Variants in IL1RAPL1 observed in about 807,000 individuals in gnomAD.
IL1RAPL1 encodes interleukin 1 receptor accessory protein like 1, also known as interleukin-1 receptor accessory protein-like 1.
Under a neutral mutation model 48.4 loss-of-function variants are expected in IL1RAPL1, and 3 were observed. The ratio of observed to expected loss-of-function variants is 0.06; its 90% CI spans 0.03 to 0.16. The LOEUF (loss-of-function observed/expected upper bound fraction) is 0.16, where lower values mean the gene tolerates loss of function less well. Ranked by LOEUF, IL1RAPL1 falls within the 10% of genes least tolerant of loss-of-function variation. IL1RAPL1 has a pLI of 1.00. For synonymous variants in IL1RAPL1, 185 were observed against 187.7 expected (o/e 0.99, Z 0.12); for missense variants, 349 against 530.6 (o/e 0.66, Z 3.36).
chrX:29,778,119 G>T (rs1386715931), intron 6 of IL1RAPL1, among the ~76,000 whole-genome samples: 1 of 110,961 alleles, frequency 9.0e-6, no homozygotes, highest in Admixed American at 9.7e-5. Context: ...TTTTCCAGAG[G>T]TTAACAAGCT....
chrX:29,750,787 G>T (rs907941591), intron 6 of IL1RAPL1, among the ~76,000 whole-genome samples: 1 of 111,598 alleles, frequency 9.0e-6, no homozygotes, highest in African/African-American at 3.3e-5. Context: ...TCATGAGGAA[G>T]AGTGATAGAA....
At position 29,260,039 on chromosome X, in the gene IL1RAPL1, A is replaced by G. The variant is rs143765986; in HGVS notation, c.83-22899A>G. On this transcript the variant is annotated intron_variant, in intron 2 of 10. Coordinates refer to ENST00000378993, the MANE Select transcript of IL1RAPL1 (RefSeq NM_014271.4). Reference sequence around the variant, plus strand: ...CAGCATTTTCTTCAATAATTCTACAAGATATAACTAGAGACATAGATCCTA... The same window carrying G: ...CAGCATTTTCTTCAATAATTCTACAGGATATAACTAGAGACATAGATCCTA... 6.1e-3 allele frequency among the ~76,000 whole-genome samples: 686 copies of G among 112,331 alleles called. 7 individuals are homozygous for G. The highest frequency in any genetic ancestry group is 0.02 in the African/African-American group (625 of 30,998).
chrX:29,174,978 G>C (rs1929981303), intron 2 of IL1RAPL1, among the ~76,000 whole-genome samples: 1 of 108,547 alleles, frequency 9.2e-6, no homozygotes, highest in Non-Finnish European at 1.9e-5. Flanking sequence ...GGAGGCTGAG[G>C]CAGGGGAATG....
intron 2 of IL1RAPL1, among the ~76,000 whole-genome samples, chrX:28,973,202 T>G: frequency 1.8e-5 from 2 of 112,108 alleles, no homozygotes; most frequent in Middle Eastern, 9.2e-3. Context: ...CATGACTGCT[T>G]GAAAACAGAG....
At chrX:29,214,512 G>T (rs1930829751) in intron 2 of IL1RAPL1, among the ~76,000 whole-genome samples, 1 of 111,431 alleles carries the variant, frequency 9.0e-6, no homozygotes, top group Admixed American at 9.6e-5. Flanking sequence ...CATTACTTTT[G>T]TGCATGTTTG....
At chrX:29,396,579 A>G in intron 4 of IL1RAPL1, 135 bp downstream of exon 4, 1 of 563,673 alleles carries the variant, frequency 1.8e-6, no homozygotes, top group East Asian at 3.4e-5. Flanking sequence ...AGCAAGTTGT[A>G]CTGGTCATTA....
At chrX:29,915,871 G>T (rs1179133708) in intron 6 of IL1RAPL1, among the ~76,000 whole-genome samples, 2 of 80,461 alleles carry the variant, frequency 2.5e-5, no homozygotes, top group East Asian at 4.0e-4. Context: ...CTAGCATTAG[G>T]TATATCTCCC....
intron 2 of IL1RAPL1, among the ~76,000 whole-genome samples, chrX:28,866,866 G>T (rs1487493823): frequency 9.0e-6 from 1 of 111,540 alleles, no homozygotes; most frequent in East Asian, 2.8e-4. Context: ...AAAAAAGGCA[G>T]ACTACACAGA....
chrX:29,409,137 T>C, intron 5 of IL1RAPL1, among the ~76,000 whole-genome samples: 1 of 112,119 alleles, frequency 8.9e-6, no homozygotes, highest in Non-Finnish European at 1.9e-5. Context: ...AAAGTGTGCT[T>C]TCACTGACTA....
chrX:29,314,627 G>A (rs981425034), intron 3 of IL1RAPL1, among the ~76,000 whole-genome samples: 5 of 112,320 alleles, frequency 4.5e-5, no homozygotes, highest in African/African-American at 9.7e-5. Flanking sequence ...TAAGTTGAGC[G>A]ACAACCTCTC....
At chrX:28,954,728 A>C (rs1345432475) in intron 2 of IL1RAPL1, among the ~76,000 whole-genome samples, 2 of 111,782 alleles carry the variant, frequency 1.8e-5, no homozygotes, top group African/African-American at 6.5e-5. Context: ...ACAATATTAA[A>C]AGAAATCTCT....
At chrX:29,083,991 G>T (rs761704623) in intron 2 of IL1RAPL1, among the ~76,000 whole-genome samples, 78 of 111,382 alleles carry the variant, frequency 7.0e-4, no homozygotes, top group African/African-American at 2.3e-3. Flanking sequence ...CCAAGCAACT[G>T]CATGAAAAGC....
intron 6 of IL1RAPL1, among the ~76,000 whole-genome samples, chrX:29,696,467 G>T (rs1418994947): frequency 8.9e-6 from 1 of 111,881 alleles, no homozygotes; most frequent in East Asian, 2.8e-4. Flanking sequence ...CAGAACATAT[G>T]ATTTAAAAAG....
intron 2 of IL1RAPL1, among the ~76,000 whole-genome samples, chrX:29,222,989 A>C (rs1931011287): frequency 9.0e-6 from 1 of 110,807 alleles, no homozygotes; most frequent in Non-Finnish European, 1.9e-5. Context: ...CATTCTTCAT[A>C]TCTCTCATTC....
intron 6 of IL1RAPL1, among the ~76,000 whole-genome samples, chrX:29,756,923 C>G (rs1000950706): frequency 9.0e-6 from 1 of 111,517 alleles, no homozygotes; most frequent in African/African-American, 3.3e-5. Flanking sequence ...TAGGAGAGAA[C>G]ACCACTGGGT....
intron 5 of IL1RAPL1, among the ~76,000 whole-genome samples, chrX:29,495,865 G>A (rs1415354437): frequency 3.6e-5 from 4 of 110,354 alleles, no homozygotes; most frequent in African/African-American, 1.3e-4. Context: ...CTCTGTCCCT[G>A]TCTCTGTCTT....
intron 2 of IL1RAPL1, among the ~76,000 whole-genome samples, chrX:29,142,988 T>C (rs769506859): frequency 3.3e-4 from 37 of 111,069 alleles, no homozygotes; most frequent in African/African-American, 1.2e-3. Context: ...CCACCGCGCC[T>C]GGCCAAAATG....
chrX:29,745,191 A>C (rs2147137892), intron 6 of IL1RAPL1, among the ~76,000 whole-genome samples: 1 of 111,380 alleles, frequency 9.0e-6, no homozygotes, highest in East Asian at 2.8e-4. Flanking sequence ...ATCATTAAAT[A>C]ACACACATGC....
chrX:29,762,281 T>C (rs1295341702), intron 6 of IL1RAPL1, among the ~76,000 whole-genome samples: 1 of 111,747 alleles, frequency 8.9e-6, no homozygotes, highest in African/African-American at 3.2e-5. Context: ...CAAACAAAAG[T>C]CTCTTTCTAT....
Sources: allele counts gnomAD v4.1 joint callset (sites outside exome capture counted in the v4.1 genomes callset), GRCh38; gene constraint gnomAD v4.1.1; transcripts MANE v1.5; gene names NCBI Gene and HGNC (gene_info 2026-07-23, HGNC 2026-07-21).